PITPNC1: variants seen among roughly 807,000 people sequenced by gnomAD.
The protein encoded by PITPNC1 is phosphatidylinositol transfer protein cytoplasmic 1, also known as cytoplasmic phosphatidylinositol transfer protein 1.
PITPNC1 carries 18 observed loss-of-function variants against 44.7 expected under a neutral mutation model. The observed-to-expected ratio is 0.40, with a 90% CI of 0.28 to 0.60. The LOEUF is 0.60. Ranked by LOEUF, PITPNC1 falls within the 20% of genes least tolerant of loss-of-function variation. The probability of loss-of-function intolerance (pLI) is 0.39; values close to 1 mark genes in which losing one functional copy is unlikely to be tolerated. For missense variants in PITPNC1, 290 were observed against 418.4 expected, an observed-to-expected ratio of 0.69 and a Z score of 2.68; for synonymous variants, 141 against 149.6, an observed-to-expected ratio of 0.94 and a Z score of 0.42.
Position 67,474,183 on chromosome 17 carries a change from G to A in PITPNC1, c.49-58619G>A, listed in dbSNP as rs146392229. Among the ~76,000 whole-genome samples, 60 of 152,200 alleles carry A rather than the reference G, an allele frequency of 3.9e-4. 1 individual carries two copies. The East Asian group carries it at 0.01, about 26-fold the overall frequency. ...TCAGTGAGAAGGAGATCCGGAGGTG[G>A]GGGTCTTGGCAAAAACAAGGGACAC... On this transcript the variant is annotated intron_variant, in intron 1 of 8. Coordinates refer to ENST00000581322, the MANE Select transcript of PITPNC1 (RefSeq NM_012417.4).
At chr17:67,402,610 A>G (rs2038334839) in intron 1 of PITPNC1, among the ~76,000 whole-genome samples, 1 of 151,796 alleles carries the variant, frequency 6.6e-6, no homozygotes, top group Non-Finnish European at 1.5e-5. Context: ...TAGGACTTTG[A>G]AACAAATGCA....
intron 1 of PITPNC1, among the ~76,000 whole-genome samples, chr17:67,518,702 T>C (rs1277311626): frequency 6.6e-6 from 1 of 152,180 alleles, no homozygotes; most frequent in Non-Finnish European, 1.5e-5. Context: ...GGCTCACACC[T>C]GTAATCCCAA....
chr17:67,574,649 G>A (rs1340703797), intron 4 of PITPNC1, among the ~76,000 whole-genome samples: 1 of 152,152 alleles, frequency 6.6e-6, no homozygotes, highest in Non-Finnish European at 1.5e-5. Flanking sequence ...GGAGGCAGAA[G>A]GTTATCTTAA....
At chr17:67,400,861 G>A (rs1215918668) in intron 1 of PITPNC1, among the ~76,000 whole-genome samples, 3 of 151,440 alleles carry the variant, frequency 2.0e-5, no homozygotes, top group Admixed American at 6.6e-5. Context: ...CTAATCCTTC[G>A]TGAATGTGGT....
intron 1 of PITPNC1, among the ~76,000 whole-genome samples, chr17:67,415,157 G>A (rs554802008): frequency 1.3e-5 from 2 of 152,024 alleles, no homozygotes; most frequent in Non-Finnish European, 2.9e-5. Flanking sequence ...TGGGATTACA[G>A]GCATGAGCTA....
rs959069341 is a variant in PITPNC1, at chr17:67,403,372, G to C, written c.48+25170G>C. On this transcript the variant is annotated intron_variant, in intron 1 of 8. Transcript: ENST00000581322. ...TCATTTGTTTTGATTTTTAAAATAA[G>C]GTTCTCGTTAGATATTTTGAGAAAC... Among the ~76,000 whole-genome samples the C allele has an allele frequency of 3.3e-5, 5 of 152,048 alleles. No homozygotes were observed. The East Asian group carries it at 9.6e-4, about 29-fold the overall frequency.
intron 1 of PITPNC1, among the ~76,000 whole-genome samples, chr17:67,382,769 C>T (rs576168292): frequency 1.3e-5 from 2 of 150,604 alleles, no homozygotes; most frequent in Non-Finnish European, 3.0e-5. Flanking sequence ...GGATTACAGG[C>T]GCCCACCATC....
intron 1 of PITPNC1, among the ~76,000 whole-genome samples, chr17:67,523,494 T>G (rs376725610): frequency 5.7e-5 from 1 of 17,424 alleles, no homozygotes; most frequent in African/African-American, 3.6e-4. Context: ...AATTTTTAAG[T>G]TTTTTTTTTT....
chr17:67,434,417 G>A (rs546947595), intron 1 of PITPNC1, among the ~76,000 whole-genome samples: 46 of 152,142 alleles, frequency 3.0e-4, no homozygotes, highest in Admixed American at 1.2e-3. Flanking sequence ...CCCAAGTAGC[G>A]TTTCCTTTTC....
At chr17:67,628,534 G>A (rs111295440) in intron 5 of PITPNC1, among the ~76,000 whole-genome samples, 90 of 152,344 alleles carry the variant, frequency 5.9e-4, no homozygotes, top group African/African-American at 1.5e-3. Context: ...CTTGGCAGGG[G>A]CCTCTCTGCA....
intron 1 of PITPNC1, among the ~76,000 whole-genome samples, chr17:67,443,635 T>TG (rs1433082796): frequency 6.8e-6 from 1 of 146,832 alleles, no homozygotes; most frequent in Non-Finnish European, 1.5e-5. Flanking sequence ...ACACTGGTCT[T>TG]TTTTTTTTTT....
At chr17:67,669,804 G>C (rs2042481715) in intron 7 of PITPNC1, 141 bp downstream of exon 7, 2 of 604,922 alleles carry the variant, frequency 3.3e-6, no homozygotes, top group Non-Finnish European at 5.8e-6. Flanking sequence ...GGTTGGGGTG[G>C]CCAACACCTG....
intron 1 of PITPNC1, among the ~76,000 whole-genome samples, chr17:67,469,363 G>C (rs1326621868): frequency 6.6e-6 from 1 of 152,034 alleles, no homozygotes; most frequent in African/African-American, 2.4e-5. Context: ...TCAGAGTGTG[G>C]GCCTCCAACC....
intron 1 of PITPNC1, among the ~76,000 whole-genome samples, chr17:67,513,855 C>G (rs2040223914): frequency 6.6e-6 from 1 of 152,132 alleles, no homozygotes. Context: ...ATGGGAAATT[C>G]TGGTGTAGAT....
chr17:67,560,807 C>A (rs1299057592), intron 4 of PITPNC1, among the ~76,000 whole-genome samples: 1 of 152,164 alleles, frequency 6.6e-6, no homozygotes, highest in Non-Finnish European at 1.5e-5. Flanking sequence ...TGATAGAACA[C>A]GTGGCTCTAC....
At chr17:67,674,868 C>G (rs186577536) in intron 7 of PITPNC1, among the ~76,000 whole-genome samples, 2 of 151,868 alleles carry the variant, frequency 1.3e-5, no homozygotes, top group East Asian at 3.9e-4. Context: ...AAAAATTAGC[C>G]GGGCATGGTG....
At position 67,556,320 on chromosome 17, in the gene PITPNC1, G is replaced by A. The variant is rs189004481; in HGVS notation, c.294+2703G>A. Reference sequence around the variant, plus strand: ...CAGTATCATGGTGCTGGGGAGATAAGGTTGTCAACCTTAGTAAGTGAAAAT... The same window carrying A: ...CAGTATCATGGTGCTGGGGAGATAAAGTTGTCAACCTTAGTAAGTGAAAAT... On this transcript the variant is annotated intron_variant, in intron 4 of 8. Transcript: ENST00000581322. Among the ~76,000 whole-genome samples, 5 of 152,246 alleles carry A rather than the reference G, an allele frequency of 3.3e-5. No homozygotes were observed. The East Asian group carries it at 9.7e-4, about 29-fold the overall frequency.
chr17:67,647,463 G>GTT lies in PITPNC1; in HGVS notation c.462+15225_462+15226insTT, dbSNP rs1567757487. Among the ~76,000 whole-genome samples, 114 of 90,598 alleles carry GTT rather than the reference G, an allele frequency of 1.3e-3. 7 individuals carry two copies. Among genetic ancestry groups the GTT allele is most frequent in the African/African-American group, 5.3e-3 (106 of 19,936 alleles). The allele number at this position is 90,598 out of a possible 152,430, so 59.4% of individuals were successfully genotyped here. A position where few individuals can be genotyped will look rare whatever the true frequency, so the allele number is the denominator to read the frequency against. On this transcript the variant is annotated intron_variant, in intron 6 of 8. Transcript: ENST00000581322. ...ACACCATCACACCCAGCTAATTTTG[G>GTT]GTTTTTTTTTTTTTTTTTTTTTTTT...
chr17:67,583,597 A>AG (rs2041264956), intron 5 of PITPNC1, among the ~76,000 whole-genome samples: 1 of 151,464 alleles, frequency 6.6e-6, no homozygotes, highest in Non-Finnish European at 1.5e-5. Context: ...CAAAAAAAAA[A>AG]AAAAAAATCA....
Sources: gnomAD v4.1 joint callset for allele counts (sites outside exome capture counted in the v4.1 genomes callset) on GRCh38, gnomAD v4.1.1 for gene constraint, MANE v1.5 for transcripts, NCBI Gene and HGNC (gene_info 2026-07-23, HGNC 2026-07-21) for gene names.